SPINT2: variants seen among roughly 807,000 people sequenced by gnomAD.
The protein encoded by SPINT2 is serine peptidase inhibitor, Kunitz type 2.
Under a neutral mutation model 30.1 loss-of-function variants are expected in SPINT2, and 18 were observed. That is an observed-to-expected ratio of 0.60 (90% CI 0.41 to 0.89). The LOEUF (loss-of-function observed/expected upper bound fraction) is 0.89, where lower values mean the gene tolerates loss of function less well. Ranked by LOEUF, SPINT2 falls within the 40% of genes least tolerant of loss-of-function variation. The probability of loss-of-function intolerance (pLI) is 0.00; values close to 1 mark genes in which losing one functional copy is unlikely to be tolerated. For missense variants in SPINT2, 276 were observed against 334.3 expected (o/e 0.83, Z 1.36); for synonymous variants, 139 against 137.9 (o/e 1.01, Z -0.05).
intron 1 of SPINT2, among the ~76,000 whole-genome samples, chr19:38,270,455 C>T (rs780335318): frequency 6.6e-6 from 1 of 152,204 alleles, no homozygotes; most frequent in South Asian, 2.1e-4. Flanking sequence ...GACCCCCTCC[C>T]CCATCCGTGG....
intron 1 of SPINT2, chr19:38,265,207 G>A: frequency 1.9e-6 from 1 of 528,878 alleles, no homozygotes. Flanking sequence ...AGGAGCGAGG[G>A]TTAGGAGAGT....
At chr19:38,267,250 A>T (rs1293504494) in intron 1 of SPINT2, among the ~76,000 whole-genome samples, 2 of 152,242 alleles carry the variant, frequency 1.3e-5, no homozygotes, top group Non-Finnish European at 2.9e-5. Context: ...GAACAGCTTA[A>T]TCGGAGGCAG....
At chr19:38,279,069 C>A (rs1968550875) in intron 1 of SPINT2, among the ~76,000 whole-genome samples, 1 of 151,926 alleles carries the variant, frequency 6.6e-6, no homozygotes, top group Non-Finnish European at 1.5e-5. Flanking sequence ...AGCTTCCTTC[C>A]ATACTCACAA....
intron 2 of SPINT2, 132 bp from the exon 3 acceptor site, chr19:38,287,744 C>A (rs1968659504): frequency 3.2e-6 from 3 of 944,846 alleles, no homozygotes; most frequent in African/African-American, 1.6e-5. Flanking sequence ...TGTGGTCTGG[C>A]ATGCACATTG....
At chr19:38,288,396 C>T (rs1968669416) in intron 3 of SPINT2, 1 of 299,550 alleles carries the variant, frequency 3.3e-6, no homozygotes, top group Admixed American at 4.6e-5. Context: ...GCCACTGCAG[C>T]TTGTGATCTC....
Position 38,290,461 on chromosome 19 carries a change from G to T in SPINT2, c.554-76G>T. 6.2e-7 allele frequency: 1 copy of T among 1,611,864 alleles called. No individual in the cohort carries two copies. The highest frequency in any genetic ancestry group is 1.1e-5 in the South Asian group (1 of 90,978). ...AGAAAGAGCTCCCCATGGAGGCCCT[G>T]GCTGAGGGGATCCCCTGCGGCAGCT... On this transcript the variant is annotated intron_variant, in intron 5 of 6. Coordinates refer to ENST00000301244, the MANE Select transcript of SPINT2 (RefSeq NM_021102.4). The surrounding 1 kb of genome is among the most constrained non-coding windows in gnomAD (Gnocchi z 4.3).
Position 38,290,495 on chromosome 19 carries a change from T to G in SPINT2, c.554-42T>G. The G allele has an allele frequency of 6.2e-7, 1 of 1,613,910 alleles. No homozygotes were observed. Among genetic ancestry groups the G allele is most frequent in the Non-Finnish European group, 8.5e-7 (1 of 1,179,906 alleles). ...GATCCCCTGCGGCAGCTCTGTGGAA[T>G]GGGGGCTGTGAGCTGACCTCAGGCT... On this transcript the variant is annotated intron_variant, in intron 5 of 6. Coordinates refer to ENST00000301244, the MANE Select transcript of SPINT2 (RefSeq NM_021102.4). This position sits in a 1 kb window ranked among gnomAD's most constrained non-coding sequence, Gnocchi z 4.3.
chr19:38,291,095 C>G (rs919860172), intron 6 of SPINT2: 1 of 217,570 alleles, frequency 4.6e-6, no homozygotes, highest in African/African-American at 2.3e-5. Context: ...GTGAAGGAGC[C>G]AGGACCTGGC....
In SPINT2 at chr19:38,264,928, G is replaced by A; in HGVS notation, c.36G>A (p.Ala12=). Reference sequence around the variant, plus strand: ...TGTGCGGGCTGAGGCGGAGCCGGGCGTTTCTCGCCCTGCTGGGATCGCTGC... The same window carrying A: ...TGTGCGGGCTGAGGCGGAGCCGGGCATTTCTCGCCCTGCTGGGATCGCTGC... ...AQLCGLRRSR[A]FLALLGSLLL... Residue 12 remains alanine (A), a synonymous_variant, in exon 1 of 7, where the codon GCG becomes GCA. Coordinates refer to ENST00000301244, the MANE Select transcript of SPINT2 (RefSeq NM_021102.4). The A allele has an allele frequency of 6.5e-7, 1 of 1,536,310 alleles. No homozygotes were observed.
intron 1 of SPINT2, among the ~76,000 whole-genome samples, chr19:38,277,965 A>G (rs1406068611): frequency 2.0e-5 from 3 of 152,128 alleles, no homozygotes; most frequent in Admixed American, 1.3e-4. Flanking sequence ...ATTTTGCCCT[A>G]CCATTTGTGA....
chr19:38,285,181 A>G (rs930108914), intron 2 of SPINT2, among the ~76,000 whole-genome samples: 32 of 152,078 alleles, frequency 2.1e-4, no homozygotes, highest in Non-Finnish European at 2.6e-4. Context: ...TGATAACCTC[A>G]CAGTTTAAAT....
intron 3 of SPINT2, 46 bp downstream of exon 3, chr19:38,287,981 G>T: frequency 6.3e-7 from 1 of 1,594,746 alleles, no homozygotes; most frequent in Non-Finnish European, 8.6e-7. Flanking sequence ...CACCGGATGG[G>T]TCATTGTGAA....
Position 38,274,897 on chromosome 19 carries a change from A to T in SPINT2, c.107-8730A>T, listed in dbSNP as rs188377601. Among the ~76,000 whole-genome samples, 8 of 151,762 alleles carry T rather than the reference A, an allele frequency of 5.3e-5. No individual in the cohort carries two copies. The East Asian group carries it at 1.6e-3, about 29-fold the overall frequency. On this transcript the variant is annotated intron_variant, in intron 1 of 6. Coordinates refer to ENST00000301244, the MANE Select transcript of SPINT2 (RefSeq NM_021102.4). Reference sequence around the variant, plus strand: ...CCCTCTGCCACTGGAGAGACTCTGGATCTGCAGCCAGGGAGCTTGTGAAGG... The same window carrying T: ...CCCTCTGCCACTGGAGAGACTCTGGTTCTGCAGCCAGGGAGCTTGTGAAGG...
intron 1 of SPINT2, among the ~76,000 whole-genome samples, chr19:38,273,716 C>T (rs776697761): frequency 7.2e-5 from 11 of 152,170 alleles, no homozygotes; most frequent in Admixed American, 3.9e-4. Context: ...GGTGGTTTGC[C>T]ATTGTCTTCC....
intron 1 of SPINT2, among the ~76,000 whole-genome samples, chr19:38,270,327 G>A (rs1968438914): frequency 1.3e-5 from 2 of 152,166 alleles, no homozygotes; most frequent in South Asian, 4.1e-4. Context: ...TGCAGGCAAG[G>A]CAGTTTGGTT....
chr19:38,291,979 G>C lies in SPINT2; in HGVS notation c.732G>C (p.Gln244His). 6.2e-7 allele frequency: 1 copy of C among 1,614,166 alleles called. No homozygotes were observed. Among genetic ancestry groups the C allele is most frequent in the South Asian group, 1.1e-5 (1 of 91,070 alleles). The change falls in exon 7 of 7, where the codon CAG (glutamine) becomes CAC (histidine). Residue 244 changes from glutamine (Q) to histidine (H), a missense_variant. Physicochemically the swap from Gln to His is conservative, Grantham distance 24 (BLOSUM62 0). Transcript: ENST00000301244. ...GGAGCTCCGGAGATGACAAGGAGCA[G>C]CTGGTGAAGAACACATATGTCCTGT... ...TVWSSGDDKEQLVKNTYVL is the reference protein window; with the variant it reads ...TVWSSGDDKEHLVKNTYVL
chr19:38,273,833 T>C (rs1473488389), intron 1 of SPINT2, among the ~76,000 whole-genome samples: 3 of 152,290 alleles, frequency 2.0e-5, no homozygotes, highest in South Asian at 2.1e-4. Context: ...TTGGTTGGAC[T>C]CTGTAGTGAA....
At chr19:38,291,763 C>T (rs1968721526) in intron 6 of SPINT2, 77 bp from the exon 7 acceptor site, 1 of 1,554,372 alleles carries the variant, frequency 6.4e-7, no homozygotes, top group Non-Finnish European at 8.7e-7. Flanking sequence ...CCTGGATTCC[C>T]CAGGCCCTTG....
chr19:38,288,911 A>G (rs528384880), intron 3 of SPINT2: 5 of 559,048 alleles, frequency 8.9e-6, no homozygotes, highest in South Asian at 4.0e-5. Context: ...CTTGGTTTCT[A>G]TAGGAACCCT....
Sources: allele counts gnomAD v4.1 joint callset (sites outside exome capture counted in the v4.1 genomes callset), GRCh38; gene constraint gnomAD v4.1.1; non-coding constraint Gnocchi (gnomAD v3.1); transcripts MANE v1.5; gene names NCBI Gene and HGNC (gene_info 2026-07-23, HGNC 2026-07-21).